Variants in ZBTB16 observed in about 807,000 individuals in gnomAD.
ZBTB16 encodes the protein zinc finger and BTB domain containing 16.
Under a neutral mutation model 56.8 loss-of-function variants are expected in ZBTB16, and 8 were observed. The ratio of observed to expected loss-of-function variants is 0.14; its 90% CI spans 0.08 to 0.25. The LOEUF (loss-of-function observed/expected upper bound fraction) is 0.25, where lower values mean the gene tolerates loss of function less well. ZBTB16 is among the 10% of genes least tolerant of loss of function. ZBTB16 has a pLI of 1.00. For synonymous variants in ZBTB16, 363 were observed against 368.5 expected (o/e 0.98, Z 0.17); for missense variants, 625 against 903.0 (o/e 0.69, Z 3.95).
chr11:114,216,011 T>G (rs1278042233), intron 4 of ZBTB16, among the ~76,000 whole-genome samples: 1 of 151,996 alleles, frequency 6.6e-6, no homozygotes, highest in Non-Finnish European at 1.5e-5. Flanking sequence ...TGTGGGAGCG[T>G]TGATGAAGGA....
chr11:114,197,307 G>A (rs892609248), intron 4 of ZBTB16, among the ~76,000 whole-genome samples: 1 of 152,154 alleles, frequency 6.6e-6, no homozygotes, highest in African/African-American at 2.4e-5. Flanking sequence ...TGGCGGCTGA[G>A]GGTCCATGCT....
chr11:114,076,664 G>A (rs1283887612), intron 2 of ZBTB16, among the ~76,000 whole-genome samples: 1 of 132,104 alleles, frequency 7.6e-6, no homozygotes, highest in African/African-American at 3.0e-5. Flanking sequence ...GGATAAAGAT[G>A]GTACCTAAAA....
In ZBTB16 at chr11:114,250,646, A is replaced by C; in HGVS notation, c.*91A>C. ...AAGGACTATGACAAATAAAAAAGGA[A>C]AAGAAAAAAAAAAACAGAAGGAAAA... is the stretch of plus-strand genomic sequence containing the variant. On this transcript the variant is annotated 3_prime_UTR_variant, in exon 7 of 7. Coordinates refer to ENST00000335953, the MANE Select transcript of ZBTB16 (RefSeq NM_006006.6). The surrounding 1 kb of genome is among the most constrained non-coding windows in gnomAD (Gnocchi z 6.0). 7.2e-7 allele frequency: 1 copy of C among 1,396,604 alleles called. No homozygotes were observed. Among genetic ancestry groups the C allele is most frequent in the Non-Finnish European group, 9.8e-7 (1 of 1,020,216 alleles). 86.5% of individuals were successfully genotyped at this position (1,396,604 alleles called of 1,614,324 possible).
At chr11:114,177,803 T>A (rs1380761655) in intron 3 of ZBTB16, among the ~76,000 whole-genome samples, 1 of 152,150 alleles carries the variant, frequency 6.6e-6, no homozygotes, top group Admixed American at 6.5e-5. Context: ...TCAGGAATAT[T>A]TGTAATTTTT....
At chr11:114,151,462 G>A (rs905767463) in intron 2 of ZBTB16, among the ~76,000 whole-genome samples, 2 of 151,956 alleles carry the variant, frequency 1.3e-5, no homozygotes, top group Admixed American at 1.3e-4. Context: ...GGGTAGTCCA[G>A]CTGTGGAGCC....
intron 6 of ZBTB16, 21 bp downstream of exon 6, chr11:114,247,386 G>T: frequency 6.2e-7 from 1 of 1,614,000 alleles, no homozygotes; most frequent in Non-Finnish European, 8.5e-7. Flanking sequence ...CCAGGGAGGG[G>T]CCTGAGCTGG....
intron 6 of ZBTB16, among the ~76,000 whole-genome samples, chr11:114,249,015 C>T (rs1007807746): frequency 6.6e-5 from 10 of 152,126 alleles, no homozygotes; most frequent in African/African-American, 1.4e-4. Context: ...ATCCTCTGCT[C>T]AGCTCTAGGG....
At chr11:114,072,194 G>A (rs967021927) in intron 2 of ZBTB16, among the ~76,000 whole-genome samples, 3 of 152,220 alleles carry the variant, frequency 2.0e-5, no homozygotes, top group Non-Finnish European at 4.4e-5. Context: ...GCGTCAATCC[G>A]TACAGTGCTG....
At chr11:114,227,407 C>A (rs985729983) in intron 4 of ZBTB16, among the ~76,000 whole-genome samples, 4 of 152,226 alleles carry the variant, frequency 2.6e-5, no homozygotes, top group East Asian at 3.8e-4. Flanking sequence ...GCCTATCCCC[C>A]CTCATGTTAC....
At chr11:114,105,660 C>T (rs1021906535) in intron 2 of ZBTB16, among the ~76,000 whole-genome samples, 26 of 152,170 alleles carry the variant, frequency 1.7e-4, no homozygotes, top group African/African-American at 6.3e-4. Context: ...TGAGTTCCCT[C>T]GTTTGTTTGT....
Position 114,120,401 on chromosome 11 carries a change from C to T in ZBTB16, c.1269-35936C>T, listed in dbSNP as rs182495098. On this transcript the variant is annotated intron_variant, in intron 2 of 6. Coordinates refer to ENST00000335953, the MANE Select transcript of ZBTB16 (RefSeq NM_006006.6). ...CTTCCACCAGACTTCCCCTGGCTCC[C>T]CCTGGCTTTGTTCATCTTGAACTCC... is the stretch of plus-strand genomic sequence containing the variant. Among the ~76,000 whole-genome samples the T allele has an allele frequency of 3.5e-3, 540 of 152,314 alleles. 1 individual carries two copies. The highest frequency in any genetic ancestry group is 6.6e-3 in the Non-Finnish European group (447 of 68,030).
intron 2 of ZBTB16, among the ~76,000 whole-genome samples, chr11:114,138,130 G>A (rs1941845442): frequency 1.3e-5 from 2 of 152,192 alleles, no homozygotes; most frequent in Non-Finnish European, 2.9e-5. Flanking sequence ...GTGAGGGAGG[G>A]CAGGAGGACC....
At chr11:114,061,485 T>C (rs1259781174) in intron 1 of ZBTB16, 1 of 152,324 alleles carries the variant, frequency 6.6e-6, no homozygotes, top group Non-Finnish European at 1.5e-5. Flanking sequence ...AAAAATGTCT[T>C]GACCAGCCGT....
At chr11:114,240,757 C>G (rs1189967316) in intron 4 of ZBTB16, among the ~76,000 whole-genome samples, 1 of 152,146 alleles carries the variant, frequency 6.6e-6, no homozygotes, top group East Asian at 1.9e-4. Flanking sequence ...GGATTGGTAA[C>G]AAACAGAAAA....
intron 4 of ZBTB16, among the ~76,000 whole-genome samples, chr11:114,191,391 G>GC (rs201703714): frequency 2.4e-3 from 360 of 152,278 alleles, no homozygotes; most frequent in African/African-American, 7.4e-3. Context: ...ATAATTGCCT[G>GC]CAGTGTTTAG....
At chr11:114,210,325 A>G (rs964552206) in intron 4 of ZBTB16, among the ~76,000 whole-genome samples, 2 of 152,154 alleles carry the variant, frequency 1.3e-5, no homozygotes, top group African/African-American at 2.4e-5. Context: ...TAAAATTTTT[A>G]AGAATCACCT....
Position 114,085,712 on chromosome 11 carries a change from T to C in ZBTB16, c.1268+21144T>C, listed in dbSNP as rs116877616. ...GGAACTGCCATTTGGAGGTAGGAGATGAGCTAATGTGTGGCAGTGTATGGG... is the reference window on the plus strand; with the variant it reads ...GGAACTGCCATTTGGAGGTAGGAGACGAGCTAATGTGTGGCAGTGTATGGG... On this transcript the variant is annotated intron_variant, in intron 2 of 6. Coordinates refer to ENST00000335953, the MANE Select transcript of ZBTB16 (RefSeq NM_006006.6). Among the ~76,000 whole-genome samples the C allele has an allele frequency of 2.1e-3, 327 of 152,140 alleles. 10 individuals are homozygous for C. The East Asian group carries it at 0.053, about 25-fold the overall frequency.
intron 4 of ZBTB16, among the ~76,000 whole-genome samples, chr11:114,208,132 C>T (rs1437719616): frequency 6.6e-6 from 1 of 152,180 alleles, no homozygotes; most frequent in Non-Finnish European, 1.5e-5. Context: ...TCCTTCTGGT[C>T]TCCAGCACCA....
chr11:114,212,064 C>A (rs528652909), intron 4 of ZBTB16, among the ~76,000 whole-genome samples: 1 of 151,960 alleles, frequency 6.6e-6, no homozygotes, highest in Non-Finnish European at 1.5e-5. Context: ...TGTGTCTTGC[C>A]GCCAGCCCAC....
Sources: allele counts gnomAD v4.1 joint callset (sites outside exome capture counted in the v4.1 genomes callset), GRCh38; gene constraint gnomAD v4.1.1; non-coding constraint Gnocchi (gnomAD v3.1); transcripts MANE v1.5; gene names NCBI Gene and HGNC (gene_info 2026-07-23, HGNC 2026-07-21).